The following HIVEP3 variants were observed in gnomAD, a reference collection of about 807,000 sequenced individuals.
The protein encoded by HIVEP3 is transcription factor HIVEP3.
A neutral mutation model predicts 152.8 loss-of-function variants in HIVEP3; 49 were observed. The ratio of observed to expected loss-of-function variants is 0.32; its 90% CI spans 0.26 to 0.41. HIVEP3 has a LOEUF of 0.41. Ranked by LOEUF, HIVEP3 falls within the 10% of genes least tolerant of loss-of-function variation. HIVEP3 has a pLI of 1.00. For missense variants in HIVEP3, 2,790 were observed against 3,103.3 expected, an observed-to-expected ratio of 0.90 and a Z score of 2.40; for synonymous variants, 1,269 against 1,289.0, an observed-to-expected ratio of 0.98 and a Z score of 0.33.
intron 1 of HIVEP3, among the ~76,000 whole-genome samples, chr1:41,792,595 C>A (rs1207394441): frequency 1.3e-5 from 2 of 152,218 alleles, no homozygotes; most frequent in African/African-American, 4.8e-5. Flanking sequence ...CCCACAGCCA[C>A]AAAAGGCCAA....
At chr1:41,977,439 T>G (rs1645266327) in intron 1 of HIVEP3, among the ~76,000 whole-genome samples, 1 of 152,148 alleles carries the variant, frequency 6.6e-6, no homozygotes, top group Non-Finnish European at 1.5e-5. Context: ...CCTGCCTGCC[T>G]GCCTCTCAGC....
upstream of HIVEP3, among the ~76,000 whole-genome samples, chr1:41,919,826 A>G (rs1282590611): frequency 6.6e-6 from 1 of 152,216 alleles, no homozygotes; most frequent in Non-Finnish European, 1.5e-5. Context: ...AAGAAACAAG[A>G]GTCCTAACCT....
At chr1:41,787,678 G>T (rs117803164) in intron 1 of HIVEP3, among the ~76,000 whole-genome samples, 1 of 150,736 alleles carries the variant, frequency 6.6e-6, no homozygotes, top group Non-Finnish European at 1.5e-5. Context: ...GCAGCACCAT[G>T]CCCAGCTAAT....
intron 1 of HIVEP3, among the ~76,000 whole-genome samples, chr1:41,840,181 TC>T (rs1349230093): frequency 3.9e-5 from 6 of 152,122 alleles, no homozygotes; most frequent in Non-Finnish European, 7.4e-5. Flanking sequence ...TTGAATAGTG[TC>T]CCCCCAACGT....
intron 1 of HIVEP3, among the ~76,000 whole-genome samples, chr1:41,759,005 C>T (rs936123167): frequency 3.0e-4 from 45 of 152,056 alleles, no homozygotes; most frequent in African/African-American, 1.0e-3. Context: ...GCATTAAGTG[C>T]TTTCGCAGTG....
rs1261323192 is a variant in HIVEP3, at chr1:41,510,583, G to A, written c.7089C>T (p.Ala2363=). The stretch of plus-strand genomic sequence containing the variant: ...GGTTCCTCGTCCGGGCTGGGAAGCG[G>A]GCAGAGGCCTCTGCCAGGCAGCCCA... ...SSVGCLAEAS[A]RFPARTRNLS... Residue 2363 remains alanine, a synonymous_variant, in exon 9 of 9, where the codon GCC becomes GCT. Coordinates refer to ENST00000372583, the MANE Select transcript of HIVEP3 (RefSeq NM_024503.5). 3.2e-6 allele frequency: 5 copies of A among 1,559,168 alleles called. No homozygotes were observed. The highest frequency in any genetic ancestry group is 4.3e-6 in the Non-Finnish European group (5 of 1,151,874).
intron 1 of HIVEP3, among the ~76,000 whole-genome samples, chr1:41,709,773 G>A (rs1044392650): frequency 1.3e-5 from 2 of 152,206 alleles, no homozygotes; most frequent in Non-Finnish European, 2.9e-5. Context: ...AGGCGAGGGT[G>A]CAGCTCAGTA....
chr1:41,516,925 G>A (rs530794171), intron 7 of HIVEP3, among the ~76,000 whole-genome samples: 9 of 152,376 alleles, frequency 5.9e-5, no homozygotes, highest in South Asian at 2.1e-4. Context: ...TCACAGGCAG[G>A]GCCCCTGCTC....
chr1:41,657,722 T>TCCTAA (rs1645650661), intron 2 of HIVEP3, among the ~76,000 whole-genome samples: 1 of 152,196 alleles, frequency 6.6e-6, no homozygotes, highest in Non-Finnish European at 1.5e-5. Context: ...AGCTGAGGTT[T>TCCTAA]AGGAGAGGCA....
chr1:41,529,260 ACACT>A (rs1204648682), intron 5 of HIVEP3, among the ~76,000 whole-genome samples: 1 of 98,410 alleles, frequency 1.0e-5, no homozygotes, highest in Non-Finnish European at 2.0e-5. Flanking sequence ...ACTTACCTTC[ACACT>A]CACACATGCT....
intron 1 of HIVEP3, among the ~76,000 whole-genome samples, chr1:41,851,485 T>C (rs1643599397): frequency 6.6e-6 from 1 of 151,954 alleles, no homozygotes; most frequent in Non-Finnish European, 1.5e-5. Flanking sequence ...GTATTTTTAG[T>C]AGAGACAAGG....
intron 1 of HIVEP3, among the ~76,000 whole-genome samples, chr1:41,883,309 G>C (rs915535113): frequency 5.9e-5 from 9 of 152,164 alleles, no homozygotes; most frequent in African/African-American, 2.2e-4. Context: ...TGCAGTGAGA[G>C]AGCTGCTGGG....
intron 1 of HIVEP3, among the ~76,000 whole-genome samples, chr1:41,828,349 A>C (rs1012047496): frequency 3.3e-5 from 5 of 152,232 alleles, no homozygotes; most frequent in African/African-American, 1.2e-4. Context: ...CCAAGTTCTA[A>C]CCACACCAGG....
At chr1:41,616,504 A>G (rs1406161971) in intron 3 of HIVEP3, among the ~76,000 whole-genome samples, 2 of 151,290 alleles carry the variant, frequency 1.3e-5, no homozygotes, top group African/African-American at 4.9e-5. Context: ...CTCCCATTTG[A>G]GACTCCAGCC....
In HIVEP3 at chr1:41,577,235, T is replaced by C. The variant is rs115595204; in HGVS notation, c.5062-1546A>G. 6.9e-3 allele frequency among the ~76,000 whole-genome samples: 1,055 copies of C among 152,352 alleles called. 13 individuals are homozygous for C. The highest frequency in any genetic ancestry group is 0.024 in the African/African-American group (1,001 of 41,576). ...ATGAATAAGTATAGTTAAAAATACT[T>C]ACTGAGTGCCAGTGTGGCATACACT... On this transcript the variant is annotated intron_variant, in intron 4 of 8. Transcript: ENST00000372583.
chr1:41,808,492 G>T lies in HIVEP3; in HGVS notation c.-800-107497C>A, dbSNP rs900609057. 9.2e-5 allele frequency among the ~76,000 whole-genome samples: 14 copies of T among 152,340 alleles called. No individual in the cohort carries two copies. The East Asian group carries it at 1.9e-3, about 21-fold the overall frequency. On this transcript the variant is annotated intron_variant, in intron 1 of 8. Transcript: ENST00000372583. ...CACTTGTCACAGTCCAGTTTGGGCT[G>T]GGAACCAACAATTTGTTGACTTAAT... is the stretch of plus-strand genomic sequence containing the variant.
At chr1:41,622,444 G>C (rs1336959263) in intron 3 of HIVEP3, among the ~76,000 whole-genome samples, 1 of 152,178 alleles carries the variant, frequency 6.6e-6, no homozygotes, top group Non-Finnish European at 1.5e-5. Context: ...TGGGAATGCT[G>C]AGCTAAGGGT....
chr1:41,871,284 C>T (rs368254321), intron 1 of HIVEP3, among the ~76,000 whole-genome samples: 14 of 152,314 alleles, frequency 9.2e-5, no homozygotes, highest in African/African-American at 3.4e-4. Context: ...CTCAAGGTTT[C>T]TCCAGGACTG....
Position 41,762,478 on chromosome 1 carries a change from C to A in HIVEP3, c.-800-61483G>T, listed in dbSNP as rs1647755966. 2.0e-5 allele frequency among the ~76,000 whole-genome samples: 3 copies of A among 152,206 alleles called. 1 individual carries two copies. The South Asian group carries it at 6.2e-4, about 31-fold the overall frequency. ...CCGCAGGCTGGAGCAGGGCAGTGGA[C>A]TAAAGGAGCTGTTAGCATGCTCTAA... On this transcript the variant is annotated intron_variant, in intron 1 of 8. Coordinates refer to ENST00000372583, the MANE Select transcript of HIVEP3 (RefSeq NM_024503.5).
Sources: gnomAD v4.1 joint callset for allele counts (sites outside exome capture counted in the v4.1 genomes callset) on GRCh38, gnomAD v4.1.1 for gene constraint, MANE v1.5 for transcripts, NCBI Gene and HGNC (gene_info 2026-07-23, HGNC 2026-07-21) for gene names.